The following INTS4 variants were observed in gnomAD, a reference collection of about 807,000 sequenced individuals.
INTS4 encodes the protein MSTP093.
In INTS4, 70 loss-of-function variants were observed where a neutral mutation model predicts 119.5. The observed-to-expected ratio is 0.59, with a 90% CI of 0.48 to 0.71. INTS4 has a LOEUF of 0.71. Among genes scored for constraint, INTS4 ranks in the 30% least tolerant of loss-of-function variants. INTS4 has a pLI of 0.00. For synonymous variants in INTS4, 316 were observed against 419.6 expected (o/e 0.75, Z 3.02); for missense variants, 867 against 1,173.2 (o/e 0.74, Z 3.81).
chr11:77,967,890 C>A (rs1422349343), intron 4 of INTS4, among the ~76,000 whole-genome samples: 1 of 152,130 alleles, frequency 6.6e-6, no homozygotes, highest in Non-Finnish European at 1.5e-5. Context: ...CAATTACCAA[C>A]AAGGATACAT....
At chr11:77,937,220 A>G (rs772465459) in intron 10 of INTS4, among the ~76,000 whole-genome samples, 1 of 152,116 alleles carries the variant, frequency 6.6e-6, no homozygotes, top group Non-Finnish European at 1.5e-5. Context: ...CAAAAAAAAA[A>G]TTTCCAACTG....
At chr11:77,905,632 A>G (rs1952927208) in intron 16 of INTS4, among the ~76,000 whole-genome samples, 1 of 151,142 alleles carries the variant, frequency 6.6e-6, no homozygotes, top group African/African-American at 2.4e-5. Context: ...CTTTTCGTAC[A>G]TCTGCATTTG....
At position 77,943,191 on chromosome 11, in the gene INTS4, C is replaced by G. The variant is rs554815378; in HGVS notation, c.919-1940G>C. ...CCTCCAATGCCCTCAACTGCGCGCTCGTCCAACACAGCAGCACAGAGGGAG... is the reference window on the plus strand; with the variant it reads ...CCTCCAATGCCCTCAACTGCGCGCTGGTCCAACACAGCAGCACAGAGGGAG... On this transcript the variant is annotated intron_variant, in intron 8 of 22. Transcript: ENST00000534064. Among the ~76,000 whole-genome samples, 4 of 152,228 alleles carry G rather than the reference C, an allele frequency of 2.6e-5. No homozygotes were observed. The South Asian group carries it at 8.3e-4, about 32-fold the overall frequency.
downstream of INTS4, among the ~76,000 whole-genome samples, chr11:77,878,506 T>TA (rs566159329): frequency 3.1e-3 from 454 of 147,188 alleles, 3 homozygotes; most frequent in South Asian, 0.011. Context: ...CTGTCAATGG[T>TA]AAAAAAAAAA....
chr11:77,908,873 G>GT lies in INTS4; in HGVS notation c.1923-1064dup, dbSNP rs563280076. Among the ~76,000 whole-genome samples, 113 of 152,246 alleles carry GT rather than the reference G, an allele frequency of 7.4e-4. No homozygotes were observed. The Middle Eastern group carries it at 0.024, about 32-fold the overall frequency. On this transcript the variant is annotated intron_variant, in intron 15 of 22. Coordinates refer to ENST00000534064, the MANE Select transcript of INTS4 (RefSeq NM_033547.4). Reference sequence around the variant, plus strand: ...AAAGGTATTATGGTAGACACTGTTGGTTGCCTGTCCAGTTAGCCATTCTCC... The same window carrying GT: ...AAAGGTATTATGGTAGACACTGTTGGTTTGCCTGTCCAGTTAGCCATTCTCC...
downstream of INTS4, among the ~76,000 whole-genome samples, chr11:77,875,139 T>C (rs1316120056): frequency 6.6e-6 from 1 of 152,176 alleles, no homozygotes; most frequent in African/African-American, 2.4e-5. Context: ...AAAGCAAATA[T>C]AAAGTCCTTT....
Position 77,928,490 on chromosome 11 carries a change from A to G in INTS4, c.1223T>C (p.Phe408Ser), listed in dbSNP as rs754171511. ...LCMLAQSSPS[F>S]AEKCLDFLVD... ...TAGGAAATCAAGGCACTTCTCAGCA[A>G]AAGAGGGTGAAGACTGGGCCAACAT... Residue 408 changes from phenylalanine to serine, a missense_variant, in exon 11 of 23, where the codon TTT becomes TCT. Coordinates refer to ENST00000534064, the MANE Select transcript of INTS4 (RefSeq NM_033547.4). 6.2e-7 allele frequency: 1 copy of G among 1,606,358 alleles called. No homozygotes were observed. Among genetic ancestry groups the G allele is most frequent in the Non-Finnish European group, 8.5e-7 (1 of 1,175,570 alleles).
At chr11:77,992,582 G>A (rs1427721302) in intron 1 of INTS4, among the ~76,000 whole-genome samples, 1 of 152,026 alleles carries the variant, frequency 6.6e-6, no homozygotes, top group Non-Finnish European at 1.5e-5. Context: ...ACCACCTAAT[G>A]GTGCGTTTTT....
intron 14 of INTS4, among the ~76,000 whole-genome samples, chr11:77,919,458 G>T (rs1012874597): frequency 6.6e-6 from 1 of 152,044 alleles, no homozygotes; most frequent in Non-Finnish European, 1.5e-5. Flanking sequence ...AGCTAATTTT[G>T]TATTTTTAGT....
At chr11:77,983,716 T>C (rs892797298) in intron 2 of INTS4, among the ~76,000 whole-genome samples, 1 of 152,188 alleles carries the variant, frequency 6.6e-6, no homozygotes, top group African/African-American at 2.4e-5. Flanking sequence ...AGAATCTTTG[T>C]GACCTGCTGG....
chr11:77,959,749 A>C (rs1954418994), intron 6 of INTS4, among the ~76,000 whole-genome samples: 1 of 151,910 alleles, frequency 6.6e-6, no homozygotes, highest in Admixed American at 6.6e-5. Context: ...AGATAAAACC[A>C]CTCTTGGCAG....
Position 77,961,143 on chromosome 11 carries a change from T to TAAAAAAAAAAAAAAA in INTS4, c.472-20_472-6dup, listed in dbSNP as rs11370501. 54 of 1,216,422 alleles carry TAAAAAAAAAAAAAAA rather than the reference T, an allele frequency of 4.4e-5. No homozygotes were observed. The highest frequency in any genetic ancestry group is 3.1e-4 in the African/African-American group (17 of 54,086). The allele number at this position is 1,216,422 out of a possible 1,614,324, so 75.4% of individuals were successfully genotyped here. ...ATGAGACGTATCTGTCAGATGCTAT[T>TAAAAAAAAAAAAAAA]AAAAAAAAAAAAAAAAAGAAAAAAA... On this transcript the variant is annotated splice_region_variant and splice_polypyrimidine_tract_variant and intron_variant, in intron 4 of 22. Transcript: ENST00000534064.
chr11:77,916,595 T>C (rs1469343212), intron 15 of INTS4, among the ~76,000 whole-genome samples: 3 of 152,244 alleles, frequency 2.0e-5, no homozygotes, highest in Non-Finnish European at 2.9e-5. Flanking sequence ...TCAATCACTA[T>C]ACTACACCAC....
intron 18 of INTS4, among the ~76,000 whole-genome samples, chr11:77,898,989 C>T (rs1335474311): frequency 1.3e-5 from 2 of 152,108 alleles, no homozygotes; most frequent in Non-Finnish European, 2.9e-5. Context: ...CACTGCACTC[C>T]AGCCTGGGTG....
At chr11:77,958,870 TG>T (rs1394989081) in intron 6 of INTS4, 36 bp from the exon 7 acceptor site, 1 of 1,290,396 alleles carries the variant, frequency 7.7e-7, no homozygotes, top group African/African-American at 1.5e-5. Context: ...ATTAGTTCTG[TG>T]TCCTCTCAGG....
chr11:77,920,248 T>C (rs1362561030), intron 14 of INTS4, among the ~76,000 whole-genome samples: 44 of 59,868 alleles, frequency 7.3e-4, no homozygotes, highest in Admixed American at 1.5e-3. Flanking sequence ...TACATATATA[T>C]ACATATATAC....
In INTS4 at chr11:77,941,143, C is replaced by A. The variant is rs1246548594; in HGVS notation, c.990+37G>T. On this transcript the variant is annotated intron_variant, in intron 9 of 22. Coordinates refer to ENST00000534064, the MANE Select transcript of INTS4 (RefSeq NM_033547.4). ...GCATACTGCCCCACTACATTGGTTA[C>A]AGAAACCCACTTTAAACAACAAAGA... The A allele has an allele frequency of 3.1e-6, 5 of 1,605,788 alleles. No individual in the cohort carries two copies. The Admixed American group carries it at 8.6e-5, about 28-fold the overall frequency.
chr11:77,970,982 A>G, intron 4 of INTS4, among the ~76,000 whole-genome samples: 1 of 151,562 alleles, frequency 6.6e-6, no homozygotes, highest in East Asian at 2.0e-4. Context: ...TAGTTTTTGT[A>G]TTTTTAGTAG....
At chr11:77,946,806 A>G (rs1453090902) in intron 8 of INTS4, among the ~76,000 whole-genome samples, 2 of 151,692 alleles carry the variant, frequency 1.3e-5, no homozygotes, top group Non-Finnish European at 2.9e-5. Flanking sequence ...GACATTAAAG[A>G]AAAGGACACT....
Sources: gnomAD v4.1 joint callset for allele counts (sites outside exome capture counted in the v4.1 genomes callset) on GRCh38, gnomAD v4.1.1 for gene constraint, MANE v1.5 for transcripts, NCBI Gene and HGNC (gene_info 2026-07-23, HGNC 2026-07-21) for gene names.